The following MTTP variants were observed in gnomAD, a reference collection of about 807,000 sequenced individuals.
MTTP encodes the protein microsomal triglyceride transfer protein large subunit.
In MTTP, 49 loss-of-function variants were observed where a neutral mutation model predicts 90.6. The ratio of observed to expected loss-of-function variants is 0.54; its 90% CI spans 0.43 to 0.69. The LOEUF (loss-of-function observed/expected upper bound fraction) is 0.69. Ranked by LOEUF, MTTP falls within the 30% of genes least tolerant of loss-of-function variation. MTTP has a pLI of 0.00. For missense variants in MTTP, 945 were observed against 1,067.5 expected (o/e 0.89, Z 1.60); for synonymous variants, 347 against 384.2 (o/e 0.90, Z 1.13).
At chr4:99,612,188 T>C (rs1333099297) in intron 14 of MTTP, among the ~76,000 whole-genome samples, 1 of 152,206 alleles carries the variant, frequency 6.6e-6, no homozygotes, top group Non-Finnish European at 1.5e-5. Flanking sequence ...CTTTTGGTAG[T>C]ACTGTAGTCA....
Position 99,581,980 on chromosome 4 carries a change from G to A in MTTP, c.137G>A (p.Arg46Gln), listed in dbSNP as rs777632344. The A allele has an allele frequency of 2.1e-5, 34 of 1,614,124 alleles. No individual in the cohort carries two copies. Among genetic ancestry groups the A allele is most frequent in the Non-Finnish European group, 2.5e-5 (30 of 1,180,002 alleles). The change falls in exon 2 of 18, where the codon CGG (arginine) becomes CAG (glutamine). Residue 46 changes from arginine (R) to glutamine (Q), a missense_variant. By Grantham distance (43) the Arg-to-Gln change is conservative. Transcript: ENST00000265517. ...LTYSTEVLLD[R>Q]GKGKLQDSVG... ...TACTCCACTGAAGTTCTTCTTGATC[G>A]GGGCAAAGGAAAACTGCAAGACAGC...
At chr4:99,583,816 G>A in intron 3 of MTTP, 3 of 543,300 alleles carry the variant, frequency 5.5e-6, no homozygotes, top group Non-Finnish European at 9.7e-6. Context: ...CAAATTATAA[G>A]GGATTACAAA....
Position 99,597,090 on chromosome 4 carries a change from C to T in MTTP, c.933C>T (p.Thr311=). The change falls in exon 8 of 18, where the codon ACC becomes ACT. Residue 311 remains threonine (T), a synonymous_variant. Transcript: ENST00000265517. ...AGCTCTCGGAGCTCTGGCGGTCCAC[C>T]AGGAAATACCTGCAGCCTGACAACC... The part of the protein sequence containing the change: ...CPSLSELWRS[T]RKYLQPDNLS... 1.9e-6 allele frequency: 3 copies of T among 1,613,854 alleles called. No individual in the cohort carries two copies. The highest frequency in any genetic ancestry group is 1.7e-6 in the Non-Finnish European group (2 of 1,179,910).
Position 99,600,687 on chromosome 4 carries a change from G to C in MTTP, c.1190G>C (p.Cys397Ser). The C allele has an allele frequency of 1.9e-6, 3 of 1,613,796 alleles. No homozygotes were observed. The highest frequency in any genetic ancestry group is 2.5e-6 in the Non-Finnish European group (3 of 1,179,808). Reference sequence around the variant, plus strand: ...CTCCAGGAGAGGTTTCTCTATGCCTGTGGATTTGCTTCTCATCCCAATGAA... The same window carrying C: ...CTCCAGGAGAGGTTTCTCTATGCCTCTGGATTTGCTTCTCATCCCAATGAA... ...IILQERFLYA[C>S]GFASHPNEEL... Residue 397 changes from cysteine to serine, a missense_variant, in exon 9 of 18, where the codon TGT becomes TCT. Cys to Ser is a moderately radical substitution (Grantham distance 112). Transcript: ENST00000265517.
chr4:99,570,643 A>G (rs1474893441), upstream of MTTP: 5 of 454,594 alleles, frequency 1.1e-5, no homozygotes, highest in African/African-American at 4.0e-5. Flanking sequence ...TTGTAGATGA[A>G]ATTAAAGTTA....
chr4:99,568,148 C>A (rs1724749550), intron 1 of MTTP, among the ~76,000 whole-genome samples: 2 of 151,952 alleles, frequency 1.3e-5, no homozygotes, highest in African/African-American at 4.8e-5. Flanking sequence ...CACATATATT[C>A]ACCATTGTAC....
chr4:99,599,844 A>C lies in MTTP; in HGVS notation c.1068-721A>C, dbSNP rs550900142. Among the ~76,000 whole-genome samples, 8 of 152,266 alleles carry C rather than the reference A, an allele frequency of 5.3e-5. No homozygotes were observed. The South Asian group carries it at 1.5e-3, about 28-fold the overall frequency. On this transcript the variant is annotated intron_variant, in intron 8 of 17. Coordinates refer to ENST00000265517, the MANE Select transcript of MTTP (RefSeq NM_001386140.1). Reference sequence around the variant, plus strand: ...GTATAAACTACTAAGCACATGTCACATTGTCTGGTGTGCTTATATAGGGGT... The same window carrying C: ...GTATAAACTACTAAGCACATGTCACCTTGTCTGGTGTGCTTATATAGGGGT...
chr4:99,589,653 TCTACTCATATCAA>T lies in MTTP; in HGVS notation c.405_417del (p.Phe135LeufsTer7). 1 of 1,594,676 alleles carries T rather than the reference TCTACTCATATCAA, an allele frequency of 6.3e-7. No individual in the cohort carries two copies. The highest frequency in any genetic ancestry group is 8.6e-7 in the Non-Finnish European group (1 of 1,162,968). On this transcript the variant is annotated frameshift_variant, in exon 4 of 18. Transcript: ENST00000265517. LOFTEE classifies it high-confidence loss of function. ...CCCTCTCCCCACCAGGTCAAAGAGT[TCTACTCATATCAA>T]AATGAGGCAGTGGCCATAGAAAATA...
At chr4:99,573,045 GAT>G (rs1200827587), upstream of MTTP, among the ~76,000 whole-genome samples, 10 of 152,030 alleles carry the variant, frequency 6.6e-5, no homozygotes, top group Admixed American at 6.6e-4. Context: ...AGGCAATAGT[GAT>G]ATGTCTTTTA....
chr4:99,619,606 T>A (rs971263085), intron 16 of MTTP, among the ~76,000 whole-genome samples: 1 of 152,308 alleles, frequency 6.6e-6, no homozygotes, highest in Admixed American at 6.5e-5. Context: ...TTACTTTGAA[T>A]ATAAAACAAT....
intron 10 of MTTP, among the ~76,000 whole-genome samples, chr4:99,602,547 G>C (rs974266959): frequency 6.6e-6 from 1 of 151,994 alleles, no homozygotes; most frequent in Non-Finnish European, 1.5e-5. Flanking sequence ...TAGGGAAAAT[G>C]TTCTTGAAAC....
chr4:99,598,075 C>CT (rs1725601315), intron 8 of MTTP, among the ~76,000 whole-genome samples: 1 of 152,098 alleles, frequency 6.6e-6, no homozygotes, highest in African/African-American at 2.4e-5. Flanking sequence ...AAAATTGCAG[C>CT]TTTTTTCTGA....
At chr4:99,570,205 A>G (rs114119711), upstream of MTTP, among the ~76,000 whole-genome samples, 1,324 of 152,056 alleles carry the variant, frequency 8.7e-3, 7 homozygotes, top group Non-Finnish European at 0.012. Flanking sequence ...CTTTACTGGT[A>G]AATTTTCAGT....
Position 99,611,174 on chromosome 4 carries a change from G to T in MTTP, c.1801G>T (p.Val601Phe), listed in dbSNP as rs541738610. Reference protein sequence around the residue: ...KIVRRVLKEMVAHNYDRFSRS... With the variant: ...KIVRRVLKEMFAHNYDRFSRS... ...TGTCCGTCGAGTTCTGAAGGAAATG[G>T]TCGCTCACAATTATGACCGTTTCTC... Residue 601 changes from valine to phenylalanine, a missense_variant, in exon 13 of 18, where the codon GTC becomes TTC. Val to Phe is a conservative substitution (Grantham distance 50, BLOSUM62 -1). Coordinates refer to ENST00000265517, the MANE Select transcript of MTTP (RefSeq NM_001386140.1). 3 of 1,613,896 alleles carry T rather than the reference G, an allele frequency of 1.9e-6. No individual in the cohort carries two copies. The highest frequency in any genetic ancestry group is 1.7e-5 in the Admixed American group (1 of 59,984).
At chr4:99,568,349 C>T (rs1289798332) in intron 1 of MTTP, among the ~76,000 whole-genome samples, 2 of 152,088 alleles carry the variant, frequency 1.3e-5, no homozygotes, top group Non-Finnish European at 2.9e-5. Flanking sequence ...AGTCAATTGC[C>T]TTCCTATATA....
intron 1 of MTTP, among the ~76,000 whole-genome samples, chr4:99,577,936 C>T (rs1220980874): frequency 6.6e-6 from 1 of 152,072 alleles, no homozygotes. Context: ...ACTTTTTAGT[C>T]AATTTTTATT....
Position 99,566,144 on chromosome 4 carries a change from C to T in MTTP, c.-102+1907C>T, listed in dbSNP as rs554268422. The stretch of plus-strand genomic sequence containing the variant: ...CTCTGCTGAAAATACAAAAACTTAG[C>T]CGGGCGTGGTGGCGGGCGCCTGTAG... On this transcript the variant is annotated intron_variant, in intron 1 of 18. Transcript: ENST00000457717. 5.9e-5 allele frequency among the ~76,000 whole-genome samples: 9 copies of T among 151,954 alleles called. No individual in the cohort carries two copies. In the East Asian group the frequency reaches 1.7e-3, roughly 30 times the overall value.
At chr4:99,573,907 T>C (rs1464329105), upstream of MTTP, among the ~76,000 whole-genome samples, 2 of 152,194 alleles carry the variant, frequency 1.3e-5, no homozygotes, top group Non-Finnish European at 2.9e-5. Flanking sequence ...GCAGGCTTTA[T>C]GTGCTCTAGT....
At position 99,594,890 on chromosome 4, in the gene MTTP, G is replaced by A; in HGVS notation, c.909+7G>A. 2 of 1,613,558 alleles carry A rather than the reference G, an allele frequency of 1.2e-6. No individual in the cohort carries two copies. Among genetic ancestry groups the A allele is most frequent in the African/African-American group, 1.3e-5 (1 of 74,990 alleles). ...CTGTAAAGGATGTCCTTCTGTAAGT[G>A]CAGACAAATATGGGAATAATCATGA... On this transcript the variant is annotated splice_region_variant and intron_variant, in intron 7 of 17. Transcript: ENST00000265517.
Sources: gnomAD v4.1 joint callset for allele counts (sites outside exome capture counted in the v4.1 genomes callset) on GRCh38, gnomAD v4.1.1 for gene constraint, MANE v1.5 for transcripts, NCBI Gene and HGNC (gene_info 2026-07-23, HGNC 2026-07-21) for gene names.